The following ZNF608 variants were observed in gnomAD, a reference collection of about 807,000 sequenced individuals.
The protein encoded by ZNF608 is zinc finger protein 608.
ZNF608 carries 12 observed loss-of-function variants against 109.0 expected under a neutral mutation model. The ratio of observed to expected loss-of-function variants is 0.11; its 90% CI spans 0.07 to 0.18. The LOEUF is 0.18. ZNF608 is among the 10% of genes least tolerant of loss of function. The probability of loss-of-function intolerance (pLI) is 1.00; values close to 1 mark genes in which losing one functional copy is unlikely to be tolerated. For synonymous variants in ZNF608, 732 were observed against 717.4 expected (o/e 1.02, Z -0.33); for missense variants, 1,707 against 1,879.3 (o/e 0.91, Z 1.70).
At chr5:124,736,512 A>C (rs998010444) in intron 2 of ZNF608, among the ~76,000 whole-genome samples, 2 of 152,244 alleles carry the variant, frequency 1.3e-5, no homozygotes, top group Non-Finnish European at 2.9e-5. Flanking sequence ...TAAAACTGTA[A>C]AATCTAGGTA....
At position 124,744,264 on chromosome 5, in the gene ZNF608, G is replaced by T; in HGVS notation, c.726C>A (p.Ser242Arg). 3.1e-6 allele frequency: 5 copies of T among 1,613,508 alleles called. No homozygotes were observed. The highest frequency in any genetic ancestry group is 3.4e-6 in the Non-Finnish European group (4 of 1,179,850). ...GGHLYGFGAK[S>R]NGGGASPFHC... ...GGAAGGGGCTCGCGCCACCTCCATT[G>T]CTCTTGGCCCCAAAGCCATAGAGGT... The change falls in exon 2 of 10, where the codon AGC becomes AGA. Residue 242 changes from serine to arginine, a missense_variant. Ser to Arg is a moderately radical substitution (Grantham distance 110). Coordinates refer to ENST00000513986, the MANE Select transcript of ZNF608 (RefSeq NM_020747.3). This position sits in a 1 kb window ranked among gnomAD's most constrained non-coding sequence, Gnocchi z 4.5.
At chr5:124,726,861 A>T (rs775823315) in intron 2 of ZNF608, among the ~76,000 whole-genome samples, 3 of 152,200 alleles carry the variant, frequency 2.0e-5, no homozygotes, top group Non-Finnish European at 2.9e-5. Context: ...ATTTAACAGC[A>T]TGTGCAGTCG....
intron 2 of ZNF608, among the ~76,000 whole-genome samples, chr5:124,713,523 T>A (rs1433706550): frequency 1.3e-5 from 2 of 152,254 alleles, no homozygotes; most frequent in Non-Finnish European, 2.9e-5. Context: ...CATCAGTAGA[T>A]CTGTATTACC....
Position 124,744,594 on chromosome 5 carries a change from G to A in ZNF608, c.396C>T (p.Ser132=). The A allele has an allele frequency of 6.2e-7, 1 of 1,614,228 alleles. No homozygotes were observed. Among genetic ancestry groups the A allele is most frequent in the South Asian group, 1.1e-5 (1 of 91,088 alleles). Residue 132 remains serine, a synonymous_variant, in exon 2 of 10, where the codon AGC becomes AGT. Coordinates refer to ENST00000513986, the MANE Select transcript of ZNF608 (RefSeq NM_020747.3). This position sits in a 1 kb window ranked among gnomAD's most constrained non-coding sequence, Gnocchi z 4.5. The part of the protein sequence containing the change: ...AALYGIPEIS[S]TGKRQEVQGR... ...CTTGGACTTCCTGCCTCTTGCCAGT[G>A]CTGCTGATCTCGGGAATCCCATACA...
At chr5:124,676,951 G>A (rs999296762) in intron 3 of ZNF608, among the ~76,000 whole-genome samples, 2 of 152,152 alleles carry the variant, frequency 1.3e-5, no homozygotes, top group Non-Finnish European at 2.9e-5. Flanking sequence ...AACCACAATA[G>A]GGTTAAGGAA....
rs1750521709 is a variant in ZNF608 at position 124,646,665 on chromosome 5, C to T, written c.3705+14G>A. On this transcript the variant is annotated intron_variant, in intron 5 of 9. Coordinates refer to ENST00000513986, the MANE Select transcript of ZNF608 (RefSeq NM_020747.3). ...CTGCTCTCTCCCTGTTGGGGCCACGCTCCACAATCTTACTTGTTTAAATCT... is the reference window on the plus strand; with the variant it reads ...CTGCTCTCTCCCTGTTGGGGCCACGTTCCACAATCTTACTTGTTTAAATCT... The T allele has an allele frequency of 1.2e-5, 19 of 1,603,160 alleles. No individual in the cohort carries two copies. Among genetic ancestry groups the T allele is most frequent in the Non-Finnish European group, 1.5e-5 (18 of 1,172,362 alleles).
At position 124,644,230 on chromosome 5, in the gene ZNF608, C is replaced by T. The variant is rs1750387603; in HGVS notation, c.4123+14G>A. 2 of 1,586,572 alleles carry T rather than the reference C, an allele frequency of 1.3e-6. No individual in the cohort carries two copies. The highest frequency in any genetic ancestry group is 1.7e-6 in the Non-Finnish European group (2 of 1,160,834). On this transcript the variant is annotated intron_variant, in intron 6 of 9. Transcript: ENST00000513986. ...CCTCTTTCCTCCAATATAGTCAGAA[C>T]CGACAACACGTACCAGGATAACTGT...
chr5:124,661,436 C>G (rs1751252396), intron 3 of ZNF608, among the ~76,000 whole-genome samples: 1 of 151,578 alleles, frequency 6.6e-6, no homozygotes, highest in Non-Finnish European at 1.5e-5. Context: ...AGGCTGCCTT[C>G]CCACCCTCCC....
chr5:124,708,412 C>G (rs1415494016), intron 2 of ZNF608, among the ~76,000 whole-genome samples: 1 of 152,166 alleles, frequency 6.6e-6, no homozygotes, highest in Non-Finnish European at 1.5e-5. Flanking sequence ...AAACGCAAAC[C>G]CTTCTAAATG....
chr5:124,693,855 C>T (rs1158745840), intron 3 of ZNF608, among the ~76,000 whole-genome samples: 1 of 151,978 alleles, frequency 6.6e-6, no homozygotes, highest in Non-Finnish European at 1.5e-5. Context: ...ACAATTCCTT[C>T]CTTTCTCTCC....
rs1580524609 is a variant in ZNF608 at position 124,644,385 on chromosome 5, T to C, written c.3982A>G (p.Thr1328Ala). The C allele has an allele frequency of 4.3e-6, 7 of 1,614,174 alleles. No homozygotes were observed. The highest frequency in any genetic ancestry group is 5.9e-6 in the Non-Finnish European group (7 of 1,180,030). ...TPVNWKDSRG[T>A]RVAVSSPMSQ... is the part of the protein sequence containing the mutation. ...ATGGGTGAGGAGACAGCCACTCTTGTTCCCCGAGAGTCCTTCCAGTTCACA... is the reference window on the plus strand; with the variant it reads ...ATGGGTGAGGAGACAGCCACTCTTGCTCCCCGAGAGTCCTTCCAGTTCACA... Residue 1328 changes from threonine to alanine, a missense_variant, in exon 6 of 10, where the codon ACA becomes GCA. Physicochemically the swap from Thr to Ala is moderately conservative, Grantham distance 58 (BLOSUM62 0). Transcript: ENST00000513986.
intron 3 of ZNF608, among the ~76,000 whole-genome samples, chr5:124,651,698 A>G (rs1750783958): frequency 6.6e-6 from 1 of 152,232 alleles, no homozygotes; most frequent in Non-Finnish European, 1.5e-5. Flanking sequence ...CTTTTCCCCT[A>G]AGGGTTTCGC....
chr5:124,736,192 C>T (rs1056712028), intron 2 of ZNF608, among the ~76,000 whole-genome samples: 3 of 152,144 alleles, frequency 2.0e-5, no homozygotes, highest in African/African-American at 7.2e-5. Context: ...AACTAAAGCA[C>T]GGGAACACAT....
chr5:124,721,942 A>AAAC lies in ZNF608; in HGVS notation c.907-20674_907-20673insGTT, dbSNP rs1491091042. Reference sequence around the variant, plus strand: ...GGGCGACAGAATGAGACTCTGTCTCAAAAAAAAAAAAAAAAAAAAAAAAAA... The same window carrying AAAC: ...GGGCGACAGAATGAGACTCTGTCTCAAACAAAAAAAAAAAAAAAAAAAAAAAAA... On this transcript the variant is annotated intron_variant, in intron 2 of 9. Transcript: ENST00000513986. Among the ~76,000 whole-genome samples the AAAC allele has an allele frequency of 1.3e-4, 7 of 55,988 alleles. No individual in the cohort carries two copies. The Admixed American group carries it at 1.8e-3, about 14-fold the overall frequency. The allele number at this position is 55,988 out of a possible 152,430, so 36.7% of individuals were successfully genotyped here.
chr5:124,643,130 T>G (rs1029176544), intron 7 of ZNF608, among the ~76,000 whole-genome samples: 2 of 152,224 alleles, frequency 1.3e-5, no homozygotes, highest in Non-Finnish European at 2.9e-5. Context: ...TTGTAGCCTC[T>G]GAACTACTTA....
intron 3 of ZNF608, among the ~76,000 whole-genome samples, chr5:124,696,817 C>T (rs1337835013): frequency 6.6e-6 from 1 of 152,136 alleles, no homozygotes; most frequent in Non-Finnish European, 1.5e-5. Flanking sequence ...CATGTGTCTT[C>T]CTTACAGAGA....
intron 2 of ZNF608, chr5:124,710,568 A>G: frequency 5.7e-6 from 1 of 175,406 alleles, no homozygotes; most frequent in Non-Finnish European, 1.2e-5. Flanking sequence ...ACAGGACACT[A>G]TCTTGGTACC....
intron 2 of ZNF608, among the ~76,000 whole-genome samples, chr5:124,739,090 CTT>C (rs1425064725): frequency 6.6e-6 from 1 of 152,184 alleles, no homozygotes; most frequent in African/African-American, 2.4e-5. Context: ...TTTCTCGACT[CTT>C]TTGTCAGAAC....
At chr5:124,689,330 T>A (rs778333919) in intron 3 of ZNF608, among the ~76,000 whole-genome samples, 4 of 152,058 alleles carry the variant, frequency 2.6e-5, no homozygotes, top group Admixed American at 6.6e-5. Flanking sequence ...ACACCACCTG[T>A]AGTCCCAGCT....
Sources: allele counts gnomAD v4.1 joint callset (sites outside exome capture counted in the v4.1 genomes callset), GRCh38; gene constraint gnomAD v4.1.1; non-coding constraint Gnocchi (gnomAD v3.1); transcripts MANE v1.5; gene names NCBI Gene and HGNC (gene_info 2026-07-23, HGNC 2026-07-21).